DDX56: variants seen among roughly 807,000 people sequenced by gnomAD.
The protein encoded by DDX56 is probable ATP-dependent RNA helicase DDX56.
DDX56 carries 45 observed loss-of-function variants against 61.5 expected under a neutral mutation model. The observed-to-expected ratio is 0.73, with a 90% CI of 0.58 to 0.94. DDX56 has a LOEUF of 0.94. Ranked by LOEUF, DDX56 falls within the 40% of genes least tolerant of loss-of-function variation. DDX56 has a pLI of 0.00. For missense variants in DDX56, 708 were observed against 690.7 expected (o/e 1.02, Z -0.28); for synonymous variants, 273 against 268.3 (o/e 1.02, Z -0.17).
intron 13 of DDX56, 149 bp from the exon 14 acceptor site, chr7:44,566,228 A>G (rs763756221): frequency 1.4e-4 from 96 of 673,228 alleles, no homozygotes; most frequent in Non-Finnish European, 2.3e-4. Context: ...GAAATGGGGA[A>G]AGGCAGCTGG....
intron 13 of DDX56, 179 bp from the exon 14 acceptor site, chr7:44,566,258 G>A: frequency 1.4e-6 from 1 of 696,606 alleles, no homozygotes; most frequent in Non-Finnish European, 2.5e-6. Flanking sequence ...AGCAGGGCCT[G>A]CAGGCGGCTG....
chr7:44,567,832 G>C, intron 12 of DDX56: 1 of 482,030 alleles, frequency 2.1e-6, no homozygotes. Context: ...ATTTGGCCCA[G>C]CTCTGGAGAC....
intron 11 of DDX56, 77 bp from the exon 12 acceptor site, chr7:44,568,300 A>G: frequency 9.4e-7 from 1 of 1,060,350 alleles, no homozygotes; most frequent in Admixed American, 2.5e-5. Context: ...TTCAAAGGAT[A>G]ACACACTCAT....
Position 44,572,990 on chromosome 7 carries a change from C to G in DDX56, c.283G>C (p.Ala95Pro). 1.2e-6 allele frequency: 2 copies of G among 1,612,958 alleles called. No individual in the cohort carries two copies. Among genetic ancestry groups the G allele is most frequent in the Non-Finnish European group, 1.7e-6 (2 of 1,179,424 alleles). ...GLVLVPTKEL[A>P]RQAQSMIQQL... ...TGAATCATGGACTGTGCTTGCCGTG[C>G]CAGCTCCTTGGTAGGAACAAGAACA... is the stretch of plus-strand genomic sequence containing the variant. Residue 95 changes from alanine to proline, a missense_variant, in exon 3 of 14, where the codon GCA (alanine) becomes CCA (proline). Physicochemically the swap from Ala to Pro is conservative, Grantham distance 27. Coordinates refer to ENST00000258772, the MANE Select transcript of DDX56 (RefSeq NM_019082.4).
intron 12 of DDX56, among the ~76,000 whole-genome samples, chr7:44,566,859 G>A (rs1246711190): frequency 2.6e-5 from 4 of 152,014 alleles, no homozygotes; most frequent in Non-Finnish European, 2.9e-5. Flanking sequence ...AGGGGGCCCC[G>A]CATCCCAGCT....
chr7:44,569,867 G>A lies in DDX56; in HGVS notation c.1161C>T (p.Thr387=), dbSNP rs1344174438. 6.2e-7 allele frequency: 1 copy of A among 1,611,310 alleles called. No homozygotes were observed. Among genetic ancestry groups the A allele is most frequent in the Non-Finnish European group, 8.5e-7 (1 of 1,178,634 alleles). The change falls in exon 9 of 14, where the codon ACC becomes ACT. Residue 387 remains threonine, a synonymous_variant. Transcript: ENST00000258772. ...GGAACTGCTCCGTGGGAAGCACAAA[G>A]GTTAAGACTATGCCTGGGTTGTTAG... ...ARANNPGIVL[T]FVLPTEQFHL... is the part of the protein sequence containing the mutation.
chr7:44,570,454 G>A (rs567748144), intron 7 of DDX56, among the ~76,000 whole-genome samples: 1 of 152,294 alleles, frequency 6.6e-6, no homozygotes, highest in Non-Finnish European at 1.5e-5. Context: ...TTTCCCTTCA[G>A]AAATATGCTC....
chr7:44,570,068 C>T lies in DDX56; in HGVS notation c.1071G>A (p.Val357=). The part of the protein sequence containing the change: ...RGIDFHHVSA[V]LNFDLPPTPE... ...GGGTTGGGGGAAGATCAAAGTTGAG[C>T]ACAGCAGACACATGGTGGAAGTCTA... is the stretch of plus-strand genomic sequence containing the variant. Residue 357 remains valine (V), a synonymous_variant, in exon 8 of 14, where the codon GTG becomes GTA. Coordinates refer to ENST00000258772, the MANE Select transcript of DDX56 (RefSeq NM_019082.4). 1 of 1,614,150 alleles carries T rather than the reference C, an allele frequency of 6.2e-7. No homozygotes were observed. The highest frequency in any genetic ancestry group is 8.5e-7 in the Non-Finnish European group (1 of 1,180,028).
intron 7 of DDX56, among the ~76,000 whole-genome samples, chr7:44,570,478 G>A (rs1028097265): frequency 6.6e-6 from 1 of 152,196 alleles, no homozygotes; most frequent in Non-Finnish European, 1.5e-5. Flanking sequence ...GCAAGTCACA[G>A]CCATACCACC....
intron 10 of DDX56, 26 bp from the exon 11 acceptor site, chr7:44,569,018 A>G: frequency 6.2e-7 from 1 of 1,613,312 alleles, no homozygotes; most frequent in Non-Finnish European, 8.5e-7. Context: ...GAAGGTCAAG[A>G]CAGTGAGGCT....
At chr7:44,569,285 C>G (rs970969557) in intron 9 of DDX56, 82 bp from the exon 10 acceptor site, 1 of 1,358,954 alleles carries the variant, frequency 7.4e-7, no homozygotes, top group South Asian at 1.2e-5. Context: ...GCACCTCCCC[C>G]TTGGGGGAAA....
chr7:44,571,251 C>G (rs1184966901), intron 6 of DDX56, among the ~76,000 whole-genome samples: 2 of 152,194 alleles, frequency 1.3e-5, no homozygotes, highest in African/African-American at 4.8e-5. Context: ...GCTGGCCAGG[C>G]TGGTCTTGAA....
rs186065767 is a variant in DDX56 at position 44,569,878 on chromosome 7, T to C, written c.1150A>G (p.Ile384Val). ...GRTARANNPGIVLTFVLPTEQ... is the reference protein window; with the variant it reads ...GRTARANNPGVVLTFVLPTEQ... ...GTGGGAAGCACAAAGGTTAAGACTA[T>C]GCCTGGGTTGTTAGCGCGTGCTGTC... Residue 384 changes from isoleucine (I) to valine (V), a missense_variant, in exon 9 of 14, where the codon ATA (isoleucine) becomes GTA (valine). Coordinates refer to ENST00000258772, the MANE Select transcript of DDX56 (RefSeq NM_019082.4). 1.2e-5 allele frequency: 19 copies of C among 1,611,436 alleles called. No homozygotes were observed. In the African/African-American group the frequency reaches 2.1e-4, roughly 18 times the overall value.
rs145306965 is a variant in DDX56, at chr7:44,569,780, G to A, written c.1219+29C>T. 1.1e-5 allele frequency: 17 copies of A among 1,574,028 alleles called. No individual in the cohort carries two copies. In the East Asian group the frequency reaches 3.2e-4, roughly 29 times the overall value. On this transcript the variant is annotated intron_variant, in intron 9 of 13. Transcript: ENST00000258772. ...GCATTGTGGAAGAAGCCTGACCCTG[G>A]CCCAGGACCACAAGAGCCAGGCTCT...
chr7:44,569,503 C>T (rs769675274), intron 9 of DDX56, among the ~76,000 whole-genome samples: 1 of 152,174 alleles, frequency 6.6e-6, no homozygotes, highest in African/African-American at 2.4e-5. Flanking sequence ...CCCATGACGA[C>T]GGCCACAGAG....
intron 11 of DDX56, 22 bp from the exon 12 acceptor site, chr7:44,568,245 C>T: frequency 6.5e-7 from 1 of 1,542,102 alleles, no homozygotes; most frequent in Non-Finnish European, 8.9e-7. Flanking sequence ...AGAGGGAGAG[C>T]CACAGAGTGA....
intron 12 of DDX56, among the ~76,000 whole-genome samples, chr7:44,566,762 A>G (rs138959820): frequency 6.6e-6 from 1 of 152,282 alleles, no homozygotes; most frequent in Non-Finnish European, 1.5e-5. Flanking sequence ...AAGAAAGAAA[A>G]AGACAGACAT....
In DDX56 at chr7:44,573,818, C is replaced by A; in HGVS notation, c.60+18G>T. 6.2e-7 allele frequency: 1 copy of A among 1,613,330 alleles called. No individual in the cohort carries two copies. Among genetic ancestry groups the A allele is most frequent in the East Asian group, 2.2e-5 (1 of 44,874 alleles). On this transcript the variant is annotated intron_variant, in intron 1 of 13. Coordinates refer to ENST00000258772, the MANE Select transcript of DDX56 (RefSeq NM_019082.4). ...CCCCGCAGAGCCCGTAAGCCGGCTCCCCAGCCCTCGCGTGTACCTGAAGGA... is the reference window on the plus strand; with the variant it reads ...CCCCGCAGAGCCCGTAAGCCGGCTCACCAGCCCTCGCGTGTACCTGAAGGA...
At chr7:44,571,354 TTG>T in intron 6 of DDX56, 136 bp downstream of exon 6, 1 of 1,013,108 alleles carries the variant, frequency 9.9e-7, no homozygotes, top group East Asian at 2.5e-5. Flanking sequence ...GATAGGTATT[TTG>T]GAGTTGGGAG....
Sources: allele counts gnomAD v4.1 joint callset (sites outside exome capture counted in the v4.1 genomes callset), GRCh38; gene constraint gnomAD v4.1.1; transcripts MANE v1.5; gene names NCBI Gene and HGNC (gene_info 2026-07-23, HGNC 2026-07-21).